Variants in FSAF1 observed in about 807,000 individuals in gnomAD.
The protein encoded by FSAF1 is 40S small subunit processome assembly factor 1.
the FSAF1 span, chr1:231,241,155 A>T: frequency 6.2e-7 from 1 of 1,602,104 alleles, no homozygotes; most frequent in Middle Eastern, 1.7e-4. Context: ...GCCGCGCTGC[A>T]CCCCCGCTTC....
At chr1:231,232,818 G>A in the FSAF1 span, among the ~76,000 whole-genome samples, 2 of 152,212 alleles carry the variant, frequency 1.3e-5, no homozygotes, top group Non-Finnish European at 2.9e-5. Flanking sequence ...TTTCTCTTAC[G>A]CGGCTTAGAT....
chr1:231,227,397 G>C, the FSAF1 span, among the ~76,000 whole-genome samples: 1 of 151,800 alleles, frequency 6.6e-6, no homozygotes, highest in African/African-American at 2.4e-5. Context: ...TCAGCCTCCC[G>C]AGTAGCTAGG....
chr1:231,229,292 G>A, the FSAF1 span: 1 of 941,090 alleles, frequency 1.1e-6, no homozygotes, highest in Non-Finnish European at 1.6e-6. Context: ...ATGTTTTAAG[G>A]AACCTGAAAG....
At chr1:231,227,014 T>C in the FSAF1 span, 2 of 1,614,184 alleles carry the variant, frequency 1.2e-6, no homozygotes, top group South Asian at 2.2e-5. Context: ...TCCAGGATTC[T>C]CTCCTTTCCT....
the FSAF1 span, chr1:231,225,373 G>A: frequency 1.7e-6 from 2 of 1,171,704 alleles, no homozygotes; most frequent in South Asian, 1.2e-5. Flanking sequence ...GCGCTCTAAT[G>A]GGCTAGCAAC....
the FSAF1 span, chr1:231,239,208 A>T: frequency 2.0e-6 from 3 of 1,517,300 alleles, no homozygotes; most frequent in South Asian, 1.3e-5. Context: ...CAAACACAAG[A>T]AGGAAAATAA....
chr1:231,240,880 C>T, the FSAF1 span: 1 of 742,718 alleles, frequency 1.3e-6, no homozygotes, highest in Non-Finnish European at 2.3e-6. The surrounding 1 kb of genome is among the most constrained non-coding windows in gnomAD (Gnocchi z 4.1). Context: ...AATGTGTTCG[C>T]TACTGGAACC....
At chr1:231,225,297 G>T in the FSAF1 span, 1 of 610,718 alleles carries the variant, frequency 1.6e-6, no homozygotes, top group African/African-American at 1.8e-5. Context: ...CAGTTCTCAG[G>T]CAGTTGTTTG....
At chr1:231,230,118 C>T in the FSAF1 span, among the ~76,000 whole-genome samples, 2 of 152,080 alleles carry the variant, frequency 1.3e-5, no homozygotes, top group Admixed American at 6.5e-5. Flanking sequence ...TCCTAAAGAA[C>T]AACTAACAGA....
chr1:231,226,898 ACTTGCTCTTAGCTTTC>A, the FSAF1 span: 1 of 1,599,022 alleles, frequency 6.3e-7, no homozygotes, highest in East Asian at 2.2e-5. Context: ...CCTTGCCCTG[ACTTGCTCTTAGCTTTC>A]CTTGCTCTTG....
chr1:231,226,973 C>T, the FSAF1 span: 1 of 1,614,200 alleles, frequency 6.2e-7, no homozygotes, highest in Non-Finnish European at 8.5e-7. Context: ...AGCCCCTCAC[C>T]TTAGCGCCCA....
the FSAF1 span, among the ~76,000 whole-genome samples, chr1:231,235,030 C>G: frequency 6.6e-6 from 1 of 152,190 alleles, no homozygotes. Context: ...TATTGCTCAA[C>G]TCCAAAGTAG....
chr1:231,240,812 T>G, the FSAF1 span, among the ~76,000 whole-genome samples: 1 of 152,012 alleles, frequency 6.6e-6, no homozygotes. The surrounding 1 kb of genome is among the most constrained non-coding windows in gnomAD (Gnocchi z 4.1). Context: ...GGGGACGAGT[T>G]GGAAGGTTTG....
chr1:231,235,423 G>C, the FSAF1 span, among the ~76,000 whole-genome samples: 1 of 151,972 alleles, frequency 6.6e-6, no homozygotes, highest in Non-Finnish European at 1.5e-5. Flanking sequence ...CTTGAACCCG[G>C]GAGGCGGAGG....
At chr1:231,239,470 G>C in the FSAF1 span, among the ~76,000 whole-genome samples, 1 of 152,166 alleles carries the variant, frequency 6.6e-6, no homozygotes, top group Non-Finnish European at 1.5e-5. Flanking sequence ...CACAGCAATA[G>C]TCCCCAGGGC....
At chr1:231,233,120 T>C in the FSAF1 span, among the ~76,000 whole-genome samples, 8 of 152,310 alleles carry the variant, frequency 5.3e-5, no homozygotes, top group African/African-American at 1.9e-4. Context: ...TACATCCACA[T>C]TGCGGGGCAG....
the FSAF1 span, among the ~76,000 whole-genome samples, chr1:231,232,905 C>G: frequency 6.6e-6 from 1 of 152,156 alleles, no homozygotes; most frequent in South Asian, 2.1e-4. Context: ...GCCCGGTAAA[C>G]AAATGCTCTT....
chr1:231,238,345 A>C, the FSAF1 span: 1 of 152,438 alleles, frequency 6.6e-6, no homozygotes, highest in Non-Finnish European at 1.5e-5. Flanking sequence ...GAATTTCTAT[A>C]CATTTGGTTC....
the FSAF1 span, chr1:231,224,548 C>T: frequency 4.3e-5 from 35 of 818,564 alleles, no homozygotes; most frequent in South Asian, 5.8e-5. Flanking sequence ...CCACCCCATA[C>T]GCCTTCCTGT....
Sources: gnomAD v4.1 joint callset for allele counts (sites outside exome capture counted in the v4.1 genomes callset) on GRCh38, gnomAD v4.1.1 for gene constraint, Gnocchi (gnomAD v3.1) non-coding constraint, MANE v1.5 for transcripts, NCBI Gene and HGNC (gene_info 2026-07-23, HGNC 2026-07-21) for gene names.